The following NLK variants were observed in gnomAD, a reference collection of about 807,000 sequenced individuals.
NLK encodes the protein nemo like kinase.
In NLK, 11 loss-of-function variants were observed where a neutral mutation model predicts 59.0. The ratio of observed to expected loss-of-function variants is 0.19; its 90% CI spans 0.12 to 0.31. The LOEUF is 0.31. NLK is among the 10% of genes least tolerant of loss of function. The probability of loss-of-function intolerance (pLI) is 1.00; values close to 1 mark genes in which losing one functional copy is unlikely to be tolerated. For synonymous variants in NLK, 235 were observed against 235.9 expected (o/e 1.00, Z 0.03); for missense variants, 410 against 661.1 (o/e 0.62, Z 4.16).
At chr17:28,059,405 C>T (rs1425225354) in intron 1 of NLK, among the ~76,000 whole-genome samples, 1 of 151,886 alleles carries the variant, frequency 6.6e-6, no homozygotes, top group Non-Finnish European at 1.5e-5. Context: ...TTTATTTATA[C>T]TGTTTTCTAT....
At chr17:28,067,770 C>T (rs1909881351) in intron 1 of NLK, among the ~76,000 whole-genome samples, 1 of 151,602 alleles carries the variant, frequency 6.6e-6, no homozygotes, top group Admixed American at 6.6e-5. Context: ...GATTTCAACA[C>T]TGAGGATTAT....
chr17:28,048,389 A>G (rs532052617), intron 1 of NLK: 38 of 156,046 alleles, frequency 2.4e-4, no homozygotes, highest in African/African-American at 8.9e-4. Flanking sequence ...AGAAAAAAAG[A>G]CAGTTTTTTT....
chr17:28,048,359 A>G (rs1221632960), intron 1 of NLK: 5 of 164,300 alleles, frequency 3.0e-5, no homozygotes, highest in African/African-American at 1.2e-4. Context: ...ATTTCATGTT[A>G]TACTGTCCAA....
intron 7 of NLK, among the ~76,000 whole-genome samples, chr17:28,183,369 C>T (rs1908990022): frequency 6.6e-6 from 1 of 152,136 alleles, no homozygotes; most frequent in Non-Finnish European, 1.5e-5. Flanking sequence ...CACTCTGTCA[C>T]CCAGGCTAGA....
At chr17:28,092,848 T>C (rs897087392) in intron 1 of NLK, among the ~76,000 whole-genome samples, 1 of 151,716 alleles carries the variant, frequency 6.6e-6, no homozygotes, top group African/African-American at 2.4e-5. Context: ...CAGGCTGGAG[T>C]GCAGTGGCGC....
chr17:28,086,245 C>T (rs1475455781), intron 1 of NLK, among the ~76,000 whole-genome samples: 1 of 152,184 alleles, frequency 6.6e-6, no homozygotes, highest in South Asian at 2.1e-4. Context: ...TTACCCCTCT[C>T]AGAGGCAAAG....
intron 3 of NLK, among the ~76,000 whole-genome samples, chr17:28,155,966 A>G (rs979066786): frequency 2.0e-5 from 3 of 152,188 alleles, no homozygotes; most frequent in Non-Finnish European, 4.4e-5. Flanking sequence ...TTAAATATAC[A>G]TGTATGTACC....
chr17:28,069,301 G>A (rs1909933026), intron 1 of NLK, among the ~76,000 whole-genome samples: 1 of 152,130 alleles, frequency 6.6e-6, no homozygotes. Context: ...TATGAATATA[G>A]CACAGTTTGT....
intron 2 of NLK, among the ~76,000 whole-genome samples, chr17:28,126,137 T>A (rs556624771): frequency 6.6e-6 from 1 of 152,354 alleles, no homozygotes; most frequent in African/African-American, 2.4e-5. Context: ...ATGTGATAAC[T>A]ACTATGATAA....
At chr17:28,079,894 CA>C (rs1252761171) in intron 1 of NLK, among the ~76,000 whole-genome samples, 1 of 152,118 alleles carries the variant, frequency 6.6e-6, no homozygotes, top group Non-Finnish European at 1.5e-5. Flanking sequence ...TTGCCAAATC[CA>C]ATATCATGAA....
At position 28,166,352 on chromosome 17, in the gene NLK, T is replaced by A. The variant is rs533831040; in HGVS notation, c.838-2096T>A. On this transcript the variant is annotated intron_variant, in intron 5 of 10. Coordinates refer to ENST00000407008, the MANE Select transcript of NLK (RefSeq NM_016231.5). ...GTAAAGATGGTGGCTTCATACTGAT[T>A]CATTCCCACATACACATCTGAATTC... Among the ~76,000 whole-genome samples the A allele has an allele frequency of 7.0e-4, 107 of 152,352 alleles. 2 individuals are homozygous for A. Among genetic ancestry groups the A allele is most frequent in the South Asian group, 3.5e-3 (17 of 4,830 alleles).
At chr17:28,111,745 G>T (rs921859305) in intron 1 of NLK, among the ~76,000 whole-genome samples, 2 of 151,292 alleles carry the variant, frequency 1.3e-5, no homozygotes, top group Non-Finnish European at 2.9e-5. Flanking sequence ...ATTTTGTTTT[G>T]TTTTTTTTAA....
At chr17:28,136,141 T>C (rs751200027) in intron 3 of NLK, among the ~76,000 whole-genome samples, 1 of 152,222 alleles carries the variant, frequency 6.6e-6, no homozygotes, top group Non-Finnish European at 1.5e-5. Flanking sequence ...CCCTCTGGTA[T>C]ACCATTTACT....
chr17:28,049,366 G>A (rs1909169007), intron 1 of NLK, among the ~76,000 whole-genome samples: 1 of 152,206 alleles, frequency 6.6e-6, no homozygotes. Flanking sequence ...CTATGAGGCA[G>A]TGAAAGTTTT....
At chr17:28,163,439 G>T in intron 4 of NLK, 104 bp from the exon 5 acceptor site, 2 of 661,672 alleles carry the variant, frequency 3.0e-6, no homozygotes. Context: ...GTTATTTAGG[G>T]AACAATTTTA....
Position 28,130,069 on chromosome 17 carries a change from G to GTAT in NLK, c.589-2549_589-2547dup, listed in dbSNP as rs1197879469. On this transcript the variant is annotated intron_variant, in intron 2 of 10. Coordinates refer to ENST00000407008, the MANE Select transcript of NLK (RefSeq NM_016231.5). ...TAGACAAGTCTGCTTGTATTTTTTTGTATTTGAAATCCTTTGAAGAGTGTG... is the reference window on the plus strand; with the variant it reads ...TAGACAAGTCTGCTTGTATTTTTTTGTATTATTTGAAATCCTTTGAAGAGTGTG... Among the ~76,000 whole-genome samples, 3 of 151,960 alleles carry GTAT rather than the reference G, an allele frequency of 2.0e-5. No homozygotes were observed. In the South Asian group the frequency reaches 6.2e-4, roughly 31 times the overall value.
At chr17:28,168,419 A>T in intron 5 of NLK, 29 bp from the exon 6 acceptor site, 2 of 1,485,632 alleles carry the variant, frequency 1.3e-6, no homozygotes, top group Non-Finnish European at 1.9e-6. Context: ...TATTTGCTTG[A>T]TAATGTTTTG....
At chr17:28,148,668 T>C (rs1019217225) in intron 3 of NLK, among the ~76,000 whole-genome samples, 19 of 152,236 alleles carry the variant, frequency 1.2e-4, no homozygotes, top group Non-Finnish European at 1.0e-4. Context: ...CAAGTTGTTA[T>C]GAGGATTAAA....
chr17:28,115,827 C>A (rs1374873661), intron 1 of NLK, among the ~76,000 whole-genome samples: 1 of 151,558 alleles, frequency 6.6e-6, no homozygotes, highest in Non-Finnish European at 1.5e-5. Context: ...GCTTTAATCC[C>A]AGATATTACA....
Sources: gnomAD v4.1 joint callset for allele counts (sites outside exome capture counted in the v4.1 genomes callset) on GRCh38, gnomAD v4.1.1 for gene constraint, MANE v1.5 for transcripts, NCBI Gene and HGNC (gene_info 2026-07-23, HGNC 2026-07-21) for gene names.